Variants in USP34 observed in about 807,000 individuals in gnomAD.
USP34 encodes the protein ubiquitin carboxyl-terminal hydrolase 34.
A neutral mutation model predicts 460.3 loss-of-function variants in USP34; 70 were observed. That is an observed-to-expected ratio of 0.15 (90% confidence interval 0.13 to 0.19). The LOEUF is 0.19. Ranked by LOEUF, USP34 falls within the 10% of genes least tolerant of loss-of-function variation. USP34 has a pLI of 1.00. For missense variants in USP34, 3,985 were observed against 4,236.2 expected, an observed-to-expected ratio of 0.94 and a Z score of 1.65; for synonymous variants, 1,647 against 1,405.3, an observed-to-expected ratio of 1.17 and a Z score of -3.85.
At chr2:61,331,417 G>A (rs1438125282) in intron 19 of USP34, 46 bp from the exon 20 acceptor site, 2 of 1,521,318 alleles carry the variant, frequency 1.3e-6, no homozygotes, top group East Asian at 2.3e-5. Context: ...GGCAGGGTAA[G>A]AGAATAAATC....
At chr2:61,409,931 T>A (rs1367156046) in intron 2 of USP34, among the ~76,000 whole-genome samples, 2 of 152,160 alleles carry the variant, frequency 1.3e-5, no homozygotes, top group Non-Finnish European at 2.9e-5. Context: ...ATGTATTTTT[T>A]AAATAATTGT....
rs769871120 is a variant in USP34, at chr2:61,235,907, T to C, written c.6970A>G (p.Thr2324Ala). 1 of 1,612,646 alleles carries C rather than the reference T, an allele frequency of 6.2e-7. No individual in the cohort carries two copies. The highest frequency in any genetic ancestry group is 8.5e-7 in the Non-Finnish European group (1 of 1,179,632). The change falls in exon 57 of 80, where the codon ACG becomes GCG. Residue 2324 changes from threonine to alanine, a missense_variant. Physicochemically the swap from Thr to Ala is moderately conservative, Grantham distance 58 (BLOSUM62 0). This residue lies in a region of USP34 where 604 missense variants were observed against 684.8 expected (regional missense o/e 0.88). Transcript: ENST00000398571. The part of the protein sequence containing the change: ...ETFIHSKEKP[T>A]MLQWIELLTK... Reference sequence around the variant, plus strand: ...AACAGTTCAATCCACTGAAGCATCGTGGGCTAGAAAAGAAAAGTCAGTCAA... The same window carrying C: ...AACAGTTCAATCCACTGAAGCATCGCGGGCTAGAAAAGAAAAGTCAGTCAA...
intron 1 of USP34, among the ~76,000 whole-genome samples, chr2:61,450,816 T>C (rs1695248466): frequency 6.6e-6 from 1 of 150,890 alleles, no homozygotes; most frequent in Admixed American, 6.6e-5. Context: ...CACCGTAAGA[T>C]GTCAACTCTT....
intron 75 of USP34, among the ~76,000 whole-genome samples, chr2:61,197,284 T>A (rs564948423): frequency 6.6e-6 from 1 of 151,862 alleles, no homozygotes; most frequent in Non-Finnish European, 1.5e-5. Flanking sequence ...ACAACAACAA[T>A]TAAAGAAGGA....
chr2:61,325,464 T>A lies in USP34; in HGVS notation c.2931-7A>T. ...TTCAGCACTATGGCTGTACCTATAA[T>A]TTAAAAGTCATTAAAATAATTAAAT... On this transcript the variant is annotated splice_polypyrimidine_tract_variant and splice_region_variant and intron_variant, in intron 20 of 79. Transcript: ENST00000398571. The A allele has an allele frequency of 6.7e-7, 1 of 1,499,598 alleles. No individual in the cohort carries two copies. Among genetic ancestry groups the A allele is most frequent in the Non-Finnish European group, 8.9e-7 (1 of 1,127,642 alleles). The allele number at this position is 1,499,598 out of a possible 1,614,324, so 92.9% of individuals were successfully genotyped here. A position where few individuals can be genotyped will look rare whatever the true frequency, so the allele number is the denominator to read the frequency against.
At chr2:61,324,453 C>A (rs2593623) in intron 21 of USP34, among the ~76,000 whole-genome samples, 82,651 of 151,932 alleles carry the variant, frequency 0.54, 22,724 homozygotes, top group South Asian at 0.74. Context: ...ACCAAAGGGA[C>A]AGCAAGATTC....
At chr2:61,318,313 CATAA>C (rs1199047782) in intron 22 of USP34, among the ~76,000 whole-genome samples, 2 of 151,818 alleles carry the variant, frequency 1.3e-5, no homozygotes, top group African/African-American at 4.8e-5. Flanking sequence ...AATCAGAGGA[CATAA>C]ATAAAGACAA....
chr2:61,275,519 G>A (rs911447426), intron 41 of USP34, among the ~76,000 whole-genome samples: 3 of 152,064 alleles, frequency 2.0e-5, no homozygotes, highest in African/African-American at 4.8e-5. Context: ...AGACACCTGG[G>A]AGGTTGGGGC....
At chr2:61,270,545 C>A (rs954414054) in intron 41 of USP34, among the ~76,000 whole-genome samples, 1 of 152,222 alleles carries the variant, frequency 6.6e-6, no homozygotes, top group Admixed American at 6.5e-5. Flanking sequence ...AAGGGATTCT[C>A]GTGCCTCAGC....
At chr2:61,334,652 C>T (rs1230011722) in intron 18 of USP34, among the ~76,000 whole-genome samples, 2 of 152,046 alleles carry the variant, frequency 1.3e-5, no homozygotes, top group Non-Finnish European at 2.9e-5. Flanking sequence ...CTTCAATAAA[C>T]ATGTTTTCAT....
At chr2:61,365,938 G>A (rs1197051996) in intron 10 of USP34, among the ~76,000 whole-genome samples, 1 of 73,604 alleles carries the variant, frequency 1.4e-5, no homozygotes, top group Non-Finnish European at 3.3e-5. Context: ...AAATGACTGG[G>A]AACACCTATT....
intron 1 of USP34, among the ~76,000 whole-genome samples, chr2:61,449,957 T>G (rs563789232): frequency 2.0e-5 from 3 of 152,222 alleles, no homozygotes; most frequent in African/African-American, 7.2e-5. Context: ...TCCCAGCTAC[T>G]CGGGAGGCTG....
intron 70 of USP34, chr2:61,208,274 AC>A (rs1437005503): frequency 2.0e-5 from 3 of 152,254 alleles, no homozygotes; most frequent in Non-Finnish European, 2.9e-5. Flanking sequence ...TCTCTCACAT[AC>A]CTGTGACCAG....
intron 3 of USP34, among the ~76,000 whole-genome samples, chr2:61,401,540 ATTTTTTTTTTTTTTTT>A (rs1156550372): frequency 3.2e-5 from 2 of 62,438 alleles, no homozygotes; most frequent in African/African-American, 1.4e-4. Context: ...ACCTGGCCCT[ATTTTTTTTTTTTTTTT>A]TTTTTTTTTT....
chr2:61,308,282 A>G lies in USP34; in HGVS notation c.3817+3258T>C, dbSNP rs1690476222. Among the ~76,000 whole-genome samples the G allele has an allele frequency of 2.0e-5, 3 of 152,142 alleles. 1 individual carries two copies. The highest frequency in any genetic ancestry group is 7.2e-5 in the African/African-American group (3 of 41,436). On this transcript the variant is annotated intron_variant, in intron 27 of 79. Coordinates refer to ENST00000398571, the MANE Select transcript of USP34 (RefSeq NM_014709.4). ...AAAAAAGCAAAATTCAACAATTAAG[A>G]AAAATGTTAATCTCAAAAAGATTTC...
At chr2:61,225,326 T>A (rs1332048211) in intron 62 of USP34, among the ~76,000 whole-genome samples, 3 of 152,266 alleles carry the variant, frequency 2.0e-5, no homozygotes, top group African/African-American at 7.2e-5. Context: ...AATACTTTTA[T>A]TACAAATAAT....
At chr2:61,386,621 T>C (rs1389870013) in intron 5 of USP34, among the ~76,000 whole-genome samples, 5 of 152,012 alleles carry the variant, frequency 3.3e-5, no homozygotes, top group Admixed American at 2.6e-4. Context: ...AAACCCCATC[T>C]ATACTAAAAA....
Position 61,312,148 on chromosome 2 carries a change from A to C in USP34, c.3543-238T>G, listed in dbSNP as rs188533137. On this transcript the variant is annotated intron_variant, in intron 25 of 79. Transcript: ENST00000398571. ...CACCACGAGAAATTACTGAGGAAAA[A>C]AAAAATCTCCTTAAGGCCAGTTTAT... Among the ~76,000 whole-genome samples the C allele has an allele frequency of 7.6e-4, 116 of 152,242 alleles. 1 individual carries two copies. Among genetic ancestry groups the C allele is most frequent in the African/African-American group, 2.5e-3 (104 of 41,560 alleles).
rs550387846 is a variant in USP34, at chr2:61,394,874, C to T, written c.732G>A (p.Ala244=). 72 of 1,590,374 alleles carry T rather than the reference C, an allele frequency of 4.5e-5. No individual in the cohort carries two copies. Among genetic ancestry groups the T allele is most frequent in the South Asian group, 7.0e-5 (6 of 85,560 alleles). ...PETLPFLIAH[A]FITVVSNIRI... ...TTACATTAGACACAACTGTAATAAA[C>T]GCATGTGCTATAAGAAATGGCAAAG... Residue 244 remains alanine, a synonymous_variant, in exon 5 of 80, where the codon GCG becomes GCA. Transcript: ENST00000398571.
Sources: allele counts gnomAD v4.1 joint callset (sites outside exome capture counted in the v4.1 genomes callset), GRCh38; gene constraint gnomAD v4.1.1; regional missense constraint gnomAD v4.1.1; transcripts MANE v1.5; gene names NCBI Gene and HGNC (gene_info 2026-07-23, HGNC 2026-07-21).